Variants in DNAJB1 observed in about 807,000 individuals in gnomAD.
DNAJB1 encodes the protein dnaJ homolog subfamily B member 1.
In DNAJB1, 14 loss-of-function variants were observed where a neutral mutation model predicts 24.0. The ratio of observed to expected loss-of-function variants is 0.58; its 90% CI spans 0.39 to 0.91. The LOEUF (loss-of-function observed/expected upper bound fraction) is 0.91. DNAJB1 is among the 40% of genes least tolerant of loss of function. DNAJB1 has a pLI of 0.00. For missense variants in DNAJB1, 517 were observed against 458.1 expected, an observed-to-expected ratio of 1.13 and a Z score of -1.17; for synonymous variants, 262 against 174.4, an observed-to-expected ratio of 1.50 and a Z score of -3.96.
Position 14,515,433 on chromosome 19 carries a change from A to C in DNAJB1, c.*507T>G, listed in dbSNP as rs2072238692. ...TTCTGCAGGAATAGTTTAGGTTCTC[A>C]ATTTGAGATGGCCAAAGAGAAGACA... On this transcript the variant is annotated 3_prime_UTR_variant, in exon 3 of 3. Transcript: ENST00000254322. The C allele has an allele frequency of 6.5e-6, 1 of 154,720 alleles. No homozygotes were observed. Among genetic ancestry groups the C allele is most frequent in the Non-Finnish European group, 1.4e-5 (1 of 69,302 alleles). 9.6% of individuals were successfully genotyped at this position (154,720 alleles called of 1,614,324 possible). A position where few individuals can be genotyped will look rare whatever the true frequency, so the allele number is the denominator to read the frequency against.
chr19:14,560,318 C>T (rs1017682305), upstream of DNAJB1, among the ~76,000 whole-genome samples: 2 of 152,180 alleles, frequency 1.3e-5, no homozygotes, highest in South Asian at 2.1e-4. Context: ...AGCAGGAACT[C>T]GGAGGCCTTC....
chr19:14,541,500 T>C (rs1404716101), intron 1 of DNAJB1, among the ~76,000 whole-genome samples: 1 of 152,226 alleles, frequency 6.6e-6, no homozygotes, highest in African/African-American at 2.4e-5. Context: ...CCATCACTTA[T>C]TCATTAGTTC....
chr19:14,539,880 C>CT (rs35738060), intron 1 of DNAJB1, among the ~76,000 whole-genome samples: 22 of 142,358 alleles, frequency 1.5e-4, no homozygotes, highest in East Asian at 1.2e-3. Flanking sequence ...TGTTTTCTTT[C>CT]TTTTTTTTTT....
At chr19:14,529,772 C>T (rs1373098514), upstream of DNAJB1, 2 of 1,608,802 alleles carry the variant, frequency 1.2e-6, no homozygotes, top group South Asian at 1.1e-5. Context: ...TCCTTCTTTG[C>T]GGGACCACGG....
At position 14,516,967 on chromosome 19, in the gene DNAJB1, G is replaced by C; in HGVS notation, c.291C>G (p.Asp97Glu). 6.2e-7 allele frequency: 1 copy of C among 1,613,252 alleles called. No individual in the cohort carries two copies. Among genetic ancestry groups the C allele is most frequent in the Non-Finnish European group, 8.5e-7 (1 of 1,180,004 alleles). ...AGAACTCAGCAAACATGGCATGAGG[G>C]TCTCCATGGAATGTGTAGCTGAAAG... ...GTSFSYTFHG[D>E]PHAMFAEFFG... Residue 97 changes from aspartate to glutamate, a missense_variant, in exon 2 of 3, where the codon GAC becomes GAG. Physicochemically the swap from Asp to Glu is conservative, Grantham distance 45. Coordinates refer to ENST00000254322, the MANE Select transcript of DNAJB1 (RefSeq NM_006145.3).
intron 1 of DNAJB1, among the ~76,000 whole-genome samples, chr19:14,537,451 CAG>C (rs1187664603): frequency 2.1e-5 from 3 of 144,148 alleles, no homozygotes; most frequent in Admixed American, 6.9e-5. Flanking sequence ...TTCCTGAGAA[CAG>C]AGGAGGGTTG....
At chr19:14,527,164 G>GTT (rs2072440912) in intron 2 of DNAJB1, among the ~76,000 whole-genome samples, 2 of 55,738 alleles carry the variant, frequency 3.6e-5, no homozygotes, top group Non-Finnish European at 3.6e-5. Flanking sequence ...AAATATCTCT[G>GTT]CTTTTTTTTT....
chr19:14,518,371 G>A lies in DNAJB1; in HGVS notation c.-22C>T, dbSNP rs371319608. 87 of 1,531,392 alleles carry A rather than the reference G, an allele frequency of 5.7e-5. No individual in the cohort carries two copies. Among genetic ancestry groups the A allele is most frequent in the Admixed American group, 1.0e-4 (5 of 49,024 alleles). The allele number at this position is 1,531,392 out of a possible 1,614,324, so 94.9% of individuals were successfully genotyped here. A position where few individuals can be genotyped will look rare whatever the true frequency, so the allele number is the denominator to read the frequency against. ...CCATGACCCCCTCCTGCGGCCCGCC[G>A]ACCCGCTGTCGCCGTCCCCCGGCTC... is the stretch of plus-strand genomic sequence containing the variant. On this transcript the variant is annotated 5_prime_UTR_variant, in exon 1 of 3. Coordinates refer to ENST00000254322, the MANE Select transcript of DNAJB1 (RefSeq NM_006145.3).
intron 1 of DNAJB1, among the ~76,000 whole-genome samples, chr19:14,542,709 C>G (rs1008157483): frequency 1.3e-5 from 2 of 152,090 alleles, no homozygotes; most frequent in Non-Finnish European, 2.9e-5. Flanking sequence ...GTTCCTTATT[C>G]TGAGAAGTGT....
upstream of DNAJB1, among the ~76,000 whole-genome samples, chr19:14,521,151 G>A (rs534713096): frequency 6.6e-6 from 1 of 152,204 alleles, no homozygotes; most frequent in South Asian, 2.1e-4. Flanking sequence ...GGGCCTTTCT[G>A]GTTGTTCTAA....
At chr19:14,518,436 G>C (rs969527545), upstream of DNAJB1, 15 of 1,171,048 alleles carry the variant, frequency 1.3e-5, no homozygotes, top group Admixed American at 7.7e-5. Flanking sequence ...CCCGTCCGGC[G>C]GAAGCTTCCA....
rs552175454 is a variant in DNAJB1, at chr19:14,516,124, G to A, written c.839C>T (p.Thr280Met). The change falls in exon 3 of 3, where the codon ACG becomes ATG. Residue 280 changes from threonine to methionine, a missense_variant. Thr to Met is a moderately conservative substitution (Grantham distance 81, BLOSUM62 -1). Coordinates refer to ENST00000254322, the MANE Select transcript of DNAJB1 (RefSeq NM_006145.3). Reference sequence around the variant, plus strand: ...AACATCTTTGAATACGACGGGTATCGTCCTGCCGTCCAGAGTGGGGACGTT... The same window carrying A: ...AACATCTTTGAATACGACGGGTATCATCCTGCCGTCCAGAGTGGGGACGTT... ...TVNVPTLDGR[T>M]IPVVFKDVIR... 18 of 1,613,632 alleles carry A rather than the reference G, an allele frequency of 1.1e-5. No individual in the cohort carries two copies. Among genetic ancestry groups the A allele is most frequent in the East Asian group, 1.1e-4 (5 of 44,878 alleles).
At chr19:14,527,165 CTTTTTTTTTTTTTTTTTTT>C (rs369143149) in intron 2 of DNAJB1, among the ~76,000 whole-genome samples, 1 of 41,264 alleles carries the variant, frequency 2.4e-5, no homozygotes, top group East Asian at 1.0e-3. Context: ...AATATCTCTG[CTTTTTTTTTTTTTTTTTTT>C]TTTTTTTTTT....
chr19:14,518,661 AC>A (rs2072324235), upstream of DNAJB1, among the ~76,000 whole-genome samples: 1 of 151,898 alleles, frequency 6.6e-6, no homozygotes, highest in Admixed American at 6.5e-5. Flanking sequence ...ACCTTTCGGG[AC>A]GAGCCAATCG....
intron 2 of DNAJB1, among the ~76,000 whole-genome samples, chr19:14,526,719 T>C (rs1465760769): frequency 6.6e-6 from 1 of 152,178 alleles, no homozygotes; most frequent in East Asian, 1.9e-4. Flanking sequence ...GACACCTACT[T>C]GTACACCATC....
At chr19:14,520,916 C>T (rs1344107910), upstream of DNAJB1, among the ~76,000 whole-genome samples, 4 of 151,900 alleles carry the variant, frequency 2.6e-5, no homozygotes, top group Non-Finnish European at 4.4e-5. Context: ...TAGCTTGAGC[C>T]CAGGAATTTG....
At chr19:14,545,793 T>TTC (rs2146589035) in intron 1 of DNAJB1, 2 of 153,080 alleles carry the variant, frequency 1.3e-5, no homozygotes, top group East Asian at 3.9e-4. Flanking sequence ...CTGCTGTGCT[T>TTC]GGGAAAGGGC....
chr19:14,535,584 A>ATATGTG, intron 1 of DNAJB1, among the ~76,000 whole-genome samples: 1 of 38,600 alleles, frequency 2.6e-5, no homozygotes, highest in African/African-American at 9.4e-5. Flanking sequence ...ATATATATAT[A>ATATGTG]TATATGTATG....
chr19:14,529,108 T>G, intron 1 of DNAJB1: 1 of 161,144 alleles, frequency 6.2e-6, no homozygotes, highest in Non-Finnish European at 1.4e-5. Flanking sequence ...CACTCAAGAG[T>G]CTCCTCCCAT....
Sources: gnomAD v4.1 joint callset for allele counts (sites outside exome capture counted in the v4.1 genomes callset) on GRCh38, gnomAD v4.1.1 for gene constraint, MANE v1.5 for transcripts, NCBI Gene and HGNC (gene_info 2026-07-23, HGNC 2026-07-21) for gene names.